MOCOS: variants seen among roughly 807,000 people sequenced by gnomAD.
MOCOS encodes the protein molybdenum cofactor sulfurase, also known as human molybdenum cofactor sulfurase.
Under a neutral mutation model 83.6 loss-of-function variants are expected in MOCOS, and 86 were observed. That is an observed-to-expected ratio of 1.03 (90% CI 0.86 to 1.23). MOCOS has a LOEUF of 1.23. Ranked by LOEUF, MOCOS falls within the 50% of genes most tolerant of loss-of-function variation. The pLI is 0.00. For synonymous variants in MOCOS, 445 were observed against 434.7 expected, an observed-to-expected ratio of 1.02 and a Z score of -0.29; for missense variants, 1,120 against 1,126.9, an observed-to-expected ratio of 0.99 and a Z score of 0.09.
intron 6 of MOCOS, among the ~76,000 whole-genome samples, chr18:36,211,645 T>C (rs1220219039): frequency 6.6e-6 from 1 of 152,026 alleles, no homozygotes; most frequent in Non-Finnish European, 1.5e-5. Context: ...GGGCACAGTC[T>C]GGGCCTGTGT....
chr18:36,256,249 C>T (rs1279020198), intron 11 of MOCOS, among the ~76,000 whole-genome samples: 7 of 152,142 alleles, frequency 4.6e-5, no homozygotes, highest in Non-Finnish European at 8.8e-5. Context: ...ATATCTGGCA[C>T]TTGCCCAAGG....
chr18:36,227,378 T>C (rs551070328), intron 9 of MOCOS, among the ~76,000 whole-genome samples: 2 of 151,980 alleles, frequency 1.3e-5, no homozygotes, highest in African/African-American at 4.8e-5. Flanking sequence ...ACTACTGATA[T>C]GTGCTGCCAT....
chr18:36,213,360 C>A lies in MOCOS; in HGVS notation c.1219-6C>A. ...TGGCTCATTCCATGTTACATTAAAT[C>A]CGCAGGTGGACAAAATGGCCAGTCT... On this transcript the variant is annotated splice_region_variant and splice_polypyrimidine_tract_variant and intron_variant, in intron 6 of 14. Coordinates refer to ENST00000261326, the MANE Select transcript of MOCOS (RefSeq NM_017947.4). 1.2e-6 allele frequency: 2 copies of A among 1,612,076 alleles called. No homozygotes were observed. The highest frequency in any genetic ancestry group is 1.1e-5 in the South Asian group (1 of 91,006).
At chr18:36,204,937 G>T in intron 5 of MOCOS, 140 bp from the exon 6 acceptor site, 1 of 729,460 alleles carries the variant, frequency 1.4e-6, no homozygotes, top group Non-Finnish European at 2.2e-6. Flanking sequence ...AGGCTGCAGT[G>T]AGCTGTGATC....
chr18:36,251,600 C>T (rs1168454250), intron 11 of MOCOS, among the ~76,000 whole-genome samples: 1 of 152,204 alleles, frequency 6.6e-6, no homozygotes, highest in Non-Finnish European at 1.5e-5. Flanking sequence ...TTGCTATGTC[C>T]TCAGATTGGA....
chr18:36,208,100 T>C (rs984817488), intron 6 of MOCOS, among the ~76,000 whole-genome samples: 8 of 152,086 alleles, frequency 5.3e-5, no homozygotes, highest in Non-Finnish European at 1.0e-4. Flanking sequence ...GATCTGAGGG[T>C]TGTAGGTGTG....
chr18:36,264,682 G>C (rs926008319), intron 13 of MOCOS, among the ~76,000 whole-genome samples: 3 of 152,082 alleles, frequency 2.0e-5, no homozygotes, highest in African/African-American at 7.2e-5. Flanking sequence ...AGTTCTGGGT[G>C]CTTACGTGGC....
chr18:36,246,249 G>T (rs35954884), intron 9 of MOCOS, among the ~76,000 whole-genome samples: 16,861 of 152,148 alleles, frequency 0.11, 1,027 homozygotes, highest in Non-Finnish European at 0.13. Context: ...CTTGTTTGGG[G>T]AGACTGTTTC....
Position 36,200,325 on chromosome 18 carries a change from G to C in MOCOS, c.941+1G>C. 6.2e-7 allele frequency: 1 copy of C among 1,613,958 alleles called. No individual in the cohort carries two copies. The highest frequency in any genetic ancestry group is 8.5e-7 in the Non-Finnish European group (1 of 1,180,036). On this transcript the variant is annotated splice_donor_variant, in intron 4 of 14. Transcript: ENST00000261326. LOFTEE classifies it high-confidence loss of function. ...TCCCGAGGCAGTCGGTAGCTCAGAG[G>C]TAACCTTGCCACAGGGGAGGGGTCA...
chr18:36,195,109 C>T (rs1395577813), intron 1 of MOCOS, 148 bp from the exon 2 acceptor site: 1 of 723,326 alleles, frequency 1.4e-6, no homozygotes, highest in Non-Finnish European at 2.5e-6. Flanking sequence ...TTCCACTGCT[C>T]ATGCCTACAC....
intron 9 of MOCOS, among the ~76,000 whole-genome samples, chr18:36,239,524 C>T (rs1431134851): frequency 6.6e-6 from 1 of 151,186 alleles, no homozygotes; most frequent in Non-Finnish European, 1.5e-5. Flanking sequence ...TGATGGGCTT[C>T]CCTTTGAGGG....
intron 2 of MOCOS, among the ~76,000 whole-genome samples, chr18:36,198,390 A>G (rs898710883): frequency 1.3e-5 from 2 of 152,198 alleles, no homozygotes; most frequent in Non-Finnish European, 2.9e-5. Flanking sequence ...CAGAACAAAA[A>G]ACCAAATCAC....
In MOCOS at chr18:36,205,121, T is replaced by C. The variant is rs748760964; in HGVS notation, c.1063T>C (p.Tyr355His). 5.6e-6 allele frequency: 9 copies of C among 1,613,552 alleles called. No individual in the cohort carries two copies. The highest frequency in any genetic ancestry group is 5.9e-6 in the Non-Finnish European group (7 of 1,179,756). ...IKQHTFTLAQYTYVALSSLQY... is the reference protein window; with the variant it reads ...IKQHTFTLAQHTYVALSSLQY... Reference sequence around the variant, plus strand: ...GCAGCACACCTTCACCTTGGCTCAGTATACCTACGTGGCCCTGTCCTCTCT... The same window carrying C: ...GCAGCACACCTTCACCTTGGCTCAGCATACCTACGTGGCCCTGTCCTCTCT... Residue 355 changes from tyrosine to histidine, a missense_variant, in exon 6 of 15, where the codon TAT becomes CAT. Transcript: ENST00000261326.
At chr18:36,264,090 G>A (rs1298892583) in intron 13 of MOCOS, among the ~76,000 whole-genome samples, 1 of 152,100 alleles carries the variant, frequency 6.6e-6, no homozygotes, top group African/African-American at 2.4e-5. Flanking sequence ...TAGGAGAATC[G>A]CTTGAACACA....
At chr18:36,205,881 A>G (rs1227932823) in intron 6 of MOCOS, among the ~76,000 whole-genome samples, 2 of 151,846 alleles carry the variant, frequency 1.3e-5, no homozygotes, top group Non-Finnish European at 2.9e-5. Flanking sequence ...CTGGGATTAC[A>G]GGCACACACC....
At chr18:36,193,334 AAAAAAAAAAAAAAAAAAAAAAGTT>A (rs2091374167) in intron 1 of MOCOS, among the ~76,000 whole-genome samples, 1 of 142,594 alleles carries the variant, frequency 7.0e-6, no homozygotes, top group African/African-American at 2.7e-5. Context: ...AAAAAAAAAA[AAAAAAAAAAAAAAAAAAAAAAGTT>A]ACAGAATGAG....
intron 9 of MOCOS, among the ~76,000 whole-genome samples, chr18:36,221,335 T>C (rs896185411): frequency 6.6e-6 from 1 of 152,208 alleles, no homozygotes; most frequent in East Asian, 1.9e-4. Context: ...TTTTAGCAAA[T>C]CTTAACATTT....
intron 6 of MOCOS, among the ~76,000 whole-genome samples, chr18:36,206,733 G>C (rs1309820449): frequency 6.6e-6 from 1 of 152,150 alleles, no homozygotes; most frequent in African/African-American, 2.4e-5. Flanking sequence ...GTGGGAACAT[G>C]CAGTATTTAG....
At chr18:36,258,894 A>G (rs191328030) in intron 12 of MOCOS, among the ~76,000 whole-genome samples, 1 of 152,232 alleles carries the variant, frequency 6.6e-6, no homozygotes, top group Admixed American at 6.5e-5. Flanking sequence ...TCAAGCTAAG[A>G]ATGTACTCCA....
Sources: gnomAD v4.1 joint callset for allele counts (sites outside exome capture counted in the v4.1 genomes callset) on GRCh38, gnomAD v4.1.1 for gene constraint, MANE v1.5 for transcripts, NCBI Gene and HGNC (gene_info 2026-07-23, HGNC 2026-07-21) for gene names.